Variants in DACH1 observed in about 807,000 individuals in gnomAD.
DACH1 encodes dachshund homolog 1.
DACH1 carries 12 observed loss-of-function variants against 54.2 expected under a neutral mutation model. The ratio of observed to expected loss-of-function variants is 0.22; its 90% CI spans 0.14 to 0.36. The LOEUF (loss-of-function observed/expected upper bound fraction) is 0.36, where lower values mean the gene tolerates loss of function less well. Ranked by LOEUF, DACH1 falls within the 10% of genes least tolerant of loss-of-function variation. DACH1 has a pLI of 1.00. For missense variants in DACH1, 805 were observed against 929.8 expected (o/e 0.87, Z 1.75); for synonymous variants, 386 against 366.2 (o/e 1.05, Z -0.62).
chr13:71,489,179 A>AAAAATAT, intron 6 of DACH1, 31 bp from the exon 7 acceptor site: 1 of 1,597,446 alleles, frequency 6.3e-7, no homozygotes, highest in Non-Finnish European at 8.5e-7. Context: ...AATATAGAAC[A>AAAAATAT]AGTTACGCTT....
intron 2 of DACH1, among the ~76,000 whole-genome samples, chr13:71,642,750 G>A (rs890474346): frequency 2.0e-5 from 3 of 152,164 alleles, no homozygotes; most frequent in Non-Finnish European, 4.4e-5. Context: ...GCCGGGCGCA[G>A]TGGCTCATGG....
intron 2 of DACH1, among the ~76,000 whole-genome samples, chr13:71,660,929 C>T (rs113780644): frequency 6.7e-6 from 1 of 148,470 alleles, no homozygotes. Context: ...TAGTGATAGA[C>T]GTAACACTCT....
chr13:71,764,618 A>G (rs1341548539), intron 1 of DACH1, among the ~76,000 whole-genome samples: 2 of 152,122 alleles, frequency 1.3e-5, no homozygotes, highest in Non-Finnish European at 1.5e-5. Flanking sequence ...TCACTAGGGT[A>G]TAAGTCTCGT....
At chr13:71,568,849 C>G (rs769673311) in intron 4 of DACH1, among the ~76,000 whole-genome samples, 1 of 151,914 alleles carries the variant, frequency 6.6e-6, no homozygotes, top group African/African-American at 2.4e-5. Context: ...AATACAGGTA[C>G]AGTTTATAAT....
chr13:71,521,667 C>A (rs892574810), intron 6 of DACH1, among the ~76,000 whole-genome samples: 1 of 151,962 alleles, frequency 6.6e-6, no homozygotes, highest in African/African-American at 2.4e-5. Flanking sequence ...TGGGTGATTC[C>A]TCATGTCTTT....
At chr13:71,603,126 T>A (rs1485978401) in intron 3 of DACH1, among the ~76,000 whole-genome samples, 1 of 152,024 alleles carries the variant, frequency 6.6e-6, no homozygotes, top group African/African-American at 2.4e-5. Flanking sequence ...ACATACAGAA[T>A]GTAACGGTCA....
At chr13:71,701,574 C>A (rs768056508) in intron 1 of DACH1, among the ~76,000 whole-genome samples, 3 of 151,816 alleles carry the variant, frequency 2.0e-5, no homozygotes, top group Non-Finnish European at 2.9e-5. Context: ...AGTGACAGAA[C>A]AAAAGGGGGA....
intron 1 of DACH1, among the ~76,000 whole-genome samples, chr13:71,804,869 T>C (rs148383959): frequency 7.0e-4 from 106 of 152,324 alleles, no homozygotes; most frequent in Middle Eastern, 3.4e-3. Flanking sequence ...TACCTACATA[T>C]TTATATCTTA....
At chr13:71,533,254 G>T (rs1882533953) in intron 6 of DACH1, among the ~76,000 whole-genome samples, 1 of 151,794 alleles carries the variant, frequency 6.6e-6, no homozygotes, top group East Asian at 1.9e-4. Context: ...TTTTTTTAGA[G>T]AAATATTTTC....
intron 3 of DACH1, among the ~76,000 whole-genome samples, chr13:71,606,078 G>A (rs1477616938): frequency 6.6e-6 from 1 of 151,964 alleles, no homozygotes; most frequent in Non-Finnish European, 1.5e-5. Context: ...ATCTACTAGA[G>A]TACTATTTTT....
At chr13:71,725,657 A>G (rs1428251929) in intron 1 of DACH1, among the ~76,000 whole-genome samples, 23 of 152,166 alleles carry the variant, frequency 1.5e-4, no homozygotes, top group Admixed American at 1.5e-3. Flanking sequence ...CATTAAAAAT[A>G]TAATTGATAA....
chr13:71,796,182 A>T (rs1471266116), intron 1 of DACH1, among the ~76,000 whole-genome samples: 3 of 152,110 alleles, frequency 2.0e-5, no homozygotes, highest in African/African-American at 4.8e-5. Flanking sequence ...AGGTATTATT[A>T]TTTTCTTCAT....
At chr13:71,691,294 T>A (rs932049496) in intron 1 of DACH1, among the ~76,000 whole-genome samples, 1 of 152,232 alleles carries the variant, frequency 6.6e-6, no homozygotes, top group Non-Finnish European at 1.5e-5. Flanking sequence ...TTTTGTTTTA[T>A]TTTTGAATAG....
chr13:71,713,001 A>C (rs1356347245), intron 1 of DACH1, among the ~76,000 whole-genome samples: 5 of 152,160 alleles, frequency 3.3e-5, no homozygotes, highest in South Asian at 4.1e-4. Context: ...TCTCTGATGC[A>C]ATGTTTAATT....
At chr13:71,671,910 T>C (rs1880230067) in intron 2 of DACH1, among the ~76,000 whole-genome samples, 1 of 152,104 alleles carries the variant, frequency 6.6e-6, no homozygotes, top group Admixed American at 6.5e-5. Flanking sequence ...TTCTATCAGA[T>C]TTCTGTCCTC....
chr13:71,812,103 T>C (rs1887735480), intron 1 of DACH1, among the ~76,000 whole-genome samples: 1 of 152,160 alleles, frequency 6.6e-6, no homozygotes, highest in African/African-American at 2.4e-5. Context: ...TTATTTTTAC[T>C]CTGGATTTAT....
intron 2 of DACH1, among the ~76,000 whole-genome samples, chr13:71,656,399 C>T (rs185317546): frequency 1.6e-4 from 25 of 152,198 alleles, no homozygotes; most frequent in Admixed American, 1.4e-3. Flanking sequence ...CTGAATAGGG[C>T]ATCTGGTCAA....
chr13:71,707,278 G>A (rs1882496286), intron 1 of DACH1, among the ~76,000 whole-genome samples: 2 of 152,270 alleles, frequency 1.3e-5, no homozygotes, highest in African/African-American at 4.8e-5. Flanking sequence ...AACCTGTGCA[G>A]CTGCACAAGT....
intron 1 of DACH1, among the ~76,000 whole-genome samples, chr13:71,839,762 T>A (rs1449082189): frequency 1.3e-5 from 2 of 152,150 alleles, no homozygotes; most frequent in Non-Finnish European, 2.9e-5. Context: ...CAAAATGGAT[T>A]ATTTATGTTC....
Sources: allele counts gnomAD v4.1 joint callset (sites outside exome capture counted in the v4.1 genomes callset), GRCh38; gene constraint gnomAD v4.1.1; transcripts MANE v1.5; gene names NCBI Gene and HGNC (gene_info 2026-07-23, HGNC 2026-07-21).